The following VTI1B variants were observed in gnomAD, a reference collection of about 807,000 sequenced individuals.
The protein encoded by VTI1B is vesicle transport through interaction with t-SNAREs 1B, also known as vesicle transport through interaction with t-SNAREs homolog 1B.
In VTI1B, 18 loss-of-function variants were observed where a neutral mutation model predicts 28.6. The observed-to-expected ratio is 0.63, with a 90% CI of 0.43 to 0.93. The LOEUF (loss-of-function observed/expected upper bound fraction) is 0.93. Ranked by LOEUF, VTI1B falls within the 40% of genes least tolerant of loss-of-function variation. The pLI is 0.00. For synonymous variants in VTI1B, 100 were observed against 107.9 expected, an observed-to-expected ratio of 0.93 and a Z score of 0.46; for missense variants, 283 against 297.0, an observed-to-expected ratio of 0.95 and a Z score of 0.35.
At chr14:67,664,864 T>C (rs1174335640) in intron 1 of VTI1B, among the ~76,000 whole-genome samples, 2 of 151,988 alleles carry the variant, frequency 1.3e-5, no homozygotes, top group African/African-American at 4.8e-5. Context: ...CTGATTTTCA[T>C]CTTAAGACCT....
At chr14:67,658,605 T>A (rs920484070) in intron 3 of VTI1B, among the ~76,000 whole-genome samples, 7 of 151,932 alleles carry the variant, frequency 4.6e-5, no homozygotes, top group African/African-American at 7.3e-5. Flanking sequence ...TCAAAAAAAA[T>A]AATAATAATT....
chr14:67,674,399 G>A lies in VTI1B; in HGVS notation c.91C>T (p.Arg31Trp). The stretch of plus-strand genomic sequence containing the variant: ...CCGGTCCCCGCCGTCCCCAGCAGCC[G>A]CTCGGGCACCCCTTGTAGGTCTTCA... ...LHEDLQGVPE[R>W]LLGTAGTEEK... Residue 31 changes from arginine (R) to tryptophan (W), a missense_variant, in exon 1 of 6, where the codon CGG becomes TGG. Transcript: ENST00000554659. 3.1e-6 allele frequency: 5 copies of A among 1,602,372 alleles called. No individual in the cohort carries two copies. The highest frequency in any genetic ancestry group is 4.3e-6 in the Non-Finnish European group (5 of 1,175,694).
chr14:67,674,133 G>A (rs908018445), intron 1 of VTI1B, among the ~76,000 whole-genome samples: 1 of 152,194 alleles, frequency 6.6e-6, no homozygotes, highest in Non-Finnish European at 1.5e-5. Context: ...ATTTGCCACA[G>A]TGAAAAAAGA....
At chr14:67,657,447 T>G (rs936756928) in intron 3 of VTI1B, among the ~76,000 whole-genome samples, 3 of 152,130 alleles carry the variant, frequency 2.0e-5, no homozygotes, top group African/African-American at 7.2e-5. Flanking sequence ...TGCCCTAATT[T>G]TCTAAATCCC....
At chr14:67,656,198 A>G (rs2037254166) in intron 4 of VTI1B, among the ~76,000 whole-genome samples, 1 of 151,620 alleles carries the variant, frequency 6.6e-6, no homozygotes, top group Non-Finnish European at 1.5e-5. Context: ...GCAAGTGGAG[A>G]TCACGCCACT....
At chr14:67,663,207 A>G in intron 1 of VTI1B, 1 of 1,495,774 alleles carries the variant, frequency 6.7e-7, no homozygotes, top group African/African-American at 1.4e-5. Flanking sequence ...ACAAAAATAG[A>G]ACAGGCTTCA....
At position 67,650,558 on chromosome 14, in the gene VTI1B, A is replaced by G. The variant is rs907595683; in HGVS notation, c.*827T>C. On this transcript the variant is annotated 3_prime_UTR_variant, in exon 6 of 6. Coordinates refer to ENST00000554659, the MANE Select transcript of VTI1B (RefSeq NM_006370.3). ...GTTTTAACTTAAATTCATGGCCAAG[A>G]GGATGAGGTGCAAGGGGCTTCCTAA... The G allele has an allele frequency of 3.7e-6, 2 of 547,462 alleles. No homozygotes were observed. Among genetic ancestry groups the G allele is most frequent in the Admixed American group, 7.9e-5 (2 of 25,262 alleles). The allele number at this position is 547,462 out of a possible 1,614,324, so 33.9% of individuals were successfully genotyped here.
chr14:67,650,572 G>A lies in VTI1B; in HGVS notation c.*813C>T. ...TCATGGCCAAGAGGATGAGGTGCAA[G>A]GGGCTTCCTAAAAATAGGTATTTTC... On this transcript the variant is annotated 3_prime_UTR_variant, in exon 6 of 6. Transcript: ENST00000554659. 1.5e-6 allele frequency: 1 copy of A among 685,712 alleles called. No individual in the cohort carries two copies. The highest frequency in any genetic ancestry group is 2.5e-6 in the Non-Finnish European group (1 of 393,534). 42.5% of individuals were successfully genotyped at this position (685,712 alleles called of 1,614,324 possible). A position where few individuals can be genotyped will look rare whatever the true frequency, so the allele number is the denominator to read the frequency against.
In VTI1B at chr14:67,659,776, T is replaced by C; in HGVS notation, c.321A>G (p.Arg107=). 1.2e-6 allele frequency: 2 copies of C among 1,614,048 alleles called. No individual in the cohort carries two copies. The highest frequency in any genetic ancestry group is 2.2e-5 in the South Asian group (2 of 91,058). The change falls in exon 3 of 6, where the codon CGA becomes CGG. Residue 107 remains arginine (R), a synonymous_variant. Transcript: ENST00000554659. ...CATATATGCCATATTTCATGTCTCC[T>C]CGGCCTCCAGGTGTGGCTGTCAAAG... ...STPLTATPGG[R]GDMKYGIYAV... is the part of the protein sequence containing the mutation.
rs1245365478 is a variant in VTI1B at position 67,656,529 on chromosome 14, T to C, written c.427A>G (p.Thr143Ala). ...LQGTESLNRA[T>A]QSIERSHRIA... ...CGATGAGAACGTTCAATACTTTGGG[T>C]GGCCCGGTTCAGGCTTTCAGTGCCC... Residue 143 changes from threonine to alanine, a missense_variant, in exon 4 of 6, where the codon ACC (threonine) becomes GCC (alanine). Physicochemically the swap from Thr to Ala is moderately conservative, Grantham distance 58. Coordinates refer to ENST00000554659, the MANE Select transcript of VTI1B (RefSeq NM_006370.3). 1.2e-6 allele frequency: 2 copies of C among 1,613,970 alleles called. No individual in the cohort carries two copies. Among genetic ancestry groups the C allele is most frequent in the Non-Finnish European group, 1.7e-6 (2 of 1,179,862 alleles).
rs1321815911 is a variant in VTI1B, at chr14:67,662,549, A to ATC, written c.116-15_116-14insGA. The ATC allele has an allele frequency of 1.2e-6, 2 of 1,602,842 alleles. No homozygotes were observed. The highest frequency in any genetic ancestry group is 4.5e-5 in the East Asian group (2 of 44,768). On this transcript the variant is annotated splice_polypyrimidine_tract_variant and intron_variant, in intron 1 of 5. Coordinates refer to ENST00000554659, the MANE Select transcript of VTI1B (RefSeq NM_006370.3). ...TCTTCTTTTCTTCTAGAAAAGATAG[A>ATC]TAAGTTTCAAATGCTTATTACTGTT... is the stretch of plus-strand genomic sequence containing the variant.
Position 67,674,605 on chromosome 14 carries a change from G to T in VTI1B, c.-116C>A. On this transcript the variant is annotated 5_prime_UTR_variant, in exon 1 of 6. Transcript: ENST00000554659. Reference sequence around the variant, plus strand: ...TAACGGCGACCGCCGCACCACCGCCGCCCAGGACGAGGCTCTTCCGGAGCC... The same window carrying T: ...TAACGGCGACCGCCGCACCACCGCCTCCCAGGACGAGGCTCTTCCGGAGCC... 1 of 785,060 alleles carries T rather than the reference G, an allele frequency of 1.3e-6. No individual in the cohort carries two copies. Among genetic ancestry groups the T allele is most frequent in the Non-Finnish European group, 1.9e-6 (1 of 540,268 alleles). 48.6% of individuals were successfully genotyped at this position (785,060 alleles called of 1,614,324 possible).
At chr14:67,652,475 C>A in intron 5 of VTI1B, 1 of 181,372 alleles carries the variant, frequency 5.5e-6, no homozygotes, top group East Asian at 1.3e-4. Context: ...ATCAGCTCTA[C>A]CACCCTTTAG....
rs1039282430 is a variant in VTI1B, at chr14:67,650,993, C to T, written c.*392G>A. Reference sequence around the variant, plus strand: ...GAGGCATTGAGGGGATAGATGAATACTAAATGGTTGTCTGGGTCAATACTG... The same window carrying T: ...GAGGCATTGAGGGGATAGATGAATATTAAATGGTTGTCTGGGTCAATACTG... On this transcript the variant is annotated 3_prime_UTR_variant, in exon 6 of 6. Coordinates refer to ENST00000554659, the MANE Select transcript of VTI1B (RefSeq NM_006370.3). 2 of 1,431,974 alleles carry T rather than the reference C, an allele frequency of 1.4e-6. No individual in the cohort carries two copies. Among genetic ancestry groups the T allele is most frequent in the East Asian group, 2.3e-5 (1 of 43,598 alleles). The allele number at this position is 1,431,974 out of a possible 1,614,324, so 88.7% of individuals were successfully genotyped here.
At chr14:67,657,792 G>C (rs999476651) in intron 3 of VTI1B, among the ~76,000 whole-genome samples, 1 of 138,126 alleles carries the variant, frequency 7.2e-6, no homozygotes, top group African/African-American at 2.7e-5. Context: ...TCTGTCGCCC[G>C]GGCTGGAGTG....
At chr14:67,651,914 T>A (rs936837759) in intron 5 of VTI1B, among the ~76,000 whole-genome samples, 1 of 152,200 alleles carries the variant, frequency 6.6e-6, no homozygotes, top group African/African-American at 2.4e-5. Flanking sequence ...TGCTCTCCTA[T>A]CAACCCAAAT....
intron 1 of VTI1B, among the ~76,000 whole-genome samples, chr14:67,669,150 TAAC>T (rs1315019416): frequency 7.9e-5 from 12 of 152,202 alleles, no homozygotes; most frequent in African/African-American, 2.9e-4. Flanking sequence ...TGGGTTAAAG[TAAC>T]CTGTCCAAGG....
chr14:67,674,372 C>A lies in VTI1B; in HGVS notation c.115+3G>T. 1 of 1,591,046 alleles carries A rather than the reference C, an allele frequency of 6.3e-7. No individual in the cohort carries two copies. The highest frequency in any genetic ancestry group is 8.5e-7 in the Non-Finnish European group (1 of 1,171,022). On this transcript the variant is annotated splice_donor_region_variant and intron_variant, in intron 1 of 5. Coordinates refer to ENST00000554659, the MANE Select transcript of VTI1B (RefSeq NM_006370.3). Reference sequence around the variant, plus strand: ...CCCACGGCGTGGCCCACCCCCGCCTCACCGGTCCCCGCCGTCCCCAGCAGC... The same window carrying A: ...CCCACGGCGTGGCCCACCCCCGCCTAACCGGTCCCCGCCGTCCCCAGCAGC...
At position 67,651,433 on chromosome 14, in the gene VTI1B, G is replaced by A. The variant is rs770962232; in HGVS notation, c.651C>T (p.Leu217=). ...LLLSIIILLE[L]AILGGLVYYK... is the part of the protein sequence containing the mutation. ...AGTAAACCAGGCCTCCCAGGATGGC[G>A]AGCTCCAGTAAGATGATAATGGAAA... The change falls in exon 6 of 6, where the codon CTC becomes CTT. Residue 217 remains leucine (L), a synonymous_variant. Transcript: ENST00000554659. The A allele has an allele frequency of 5.0e-6, 8 of 1,613,984 alleles. No individual in the cohort carries two copies. The highest frequency in any genetic ancestry group is 1.1e-5 in the South Asian group (1 of 91,060).
Sources: gnomAD v4.1 joint callset for allele counts (sites outside exome capture counted in the v4.1 genomes callset) on GRCh38, gnomAD v4.1.1 for gene constraint, MANE v1.5 for transcripts, NCBI Gene and HGNC (gene_info 2026-07-23, HGNC 2026-07-21) for gene names.